The following CCDC82 variants were observed in gnomAD, a reference collection of about 807,000 sequenced individuals.
CCDC82 encodes coiled-coil domain containing 82.
A neutral mutation model predicts 60.6 loss-of-function variants in CCDC82; 47 were observed. The ratio of observed to expected loss-of-function variants is 0.77; its 90% confidence interval spans 0.61 to 0.99. The LOEUF (loss-of-function observed/expected upper bound fraction) is 0.99. Ranked by LOEUF, CCDC82 falls within the 50% of genes least tolerant of loss-of-function variation. The pLI, the probability that CCDC82 is intolerant of heterozygous loss-of-function variation, is 0.00. For synonymous variants in CCDC82, 212 were observed against 207.4 expected, an observed-to-expected ratio of 1.02 and a Z score of -0.19; for missense variants, 588 against 633.0, an observed-to-expected ratio of 0.93 and a Z score of 0.76.
At position 96,371,009 on chromosome 11, in the gene CCDC82, G is replaced by A. The variant is rs924448791; in HGVS notation, c.1209+4C>T. 1.7e-5 allele frequency: 27 copies of A among 1,573,868 alleles called. No individual in the cohort carries two copies. The Admixed American group carries it at 2.8e-4, about 17-fold the overall frequency. ...AAGCAGAGATTCAAAAACAAACTGTGTACCTTATATTGCTCTTTCCAACGA... is the reference window on the plus strand; with the variant it reads ...AAGCAGAGATTCAAAAACAAACTGTATACCTTATATTGCTCTTTCCAACGA... On this transcript the variant is annotated splice_donor_region_variant and intron_variant, in intron 7 of 9. Transcript: ENST00000646818.
chr11:96,359,361 G>A, intron 8 of CCDC82, 183 bp from the exon 9 acceptor site: 3 of 520,358 alleles, frequency 5.8e-6, no homozygotes, highest in Non-Finnish European at 9.9e-6. Flanking sequence ...TTCAAACATT[G>A]GGCTAGGCAC....
intron 5 of CCDC82, among the ~76,000 whole-genome samples, chr11:96,380,043 A>G (rs1865785579): frequency 6.6e-6 from 1 of 151,936 alleles, no homozygotes; most frequent in Admixed American, 6.6e-5. Flanking sequence ...AGCATTCTGA[A>G]AGTGAGAGTG....
rs192648161 is a variant in CCDC82 at position 96,368,608 on chromosome 11, C to T, written c.1209+2405G>A. Among the ~76,000 whole-genome samples, 220 of 152,108 alleles carry T rather than the reference C, an allele frequency of 1.4e-3. 3 individuals carry two copies. The East Asian group carries it at 0.035, about 24-fold the overall frequency. ...TAGGCTGGGTGCAGTGGCTCACGTC[C>T]GTAATCCCAGCACTTTGGGAGGCTG... On this transcript the variant is annotated intron_variant, in intron 7 of 9. Coordinates refer to ENST00000646818, the MANE Select transcript of CCDC82 (RefSeq NM_024725.4).
intron 5 of CCDC82, among the ~76,000 whole-genome samples, chr11:96,374,941 A>G (rs11021562): frequency 0.11 from 16,459 of 152,136 alleles, 1,110 homozygotes; most frequent in Middle Eastern, 0.22. Context: ...CTAAATAAAT[A>G]AGTAAATAAA....
At chr11:96,361,801 T>C (rs965020984) in intron 8 of CCDC82, among the ~76,000 whole-genome samples, 1 of 152,346 alleles carries the variant, frequency 6.6e-6, no homozygotes, top group East Asian at 1.9e-4. Context: ...AAAATATATT[T>C]AGAACAACTG....
At chr11:96,353,911 G>C (rs1864216102) in intron 9 of CCDC82, 197 bp from the exon 10 acceptor site, 1 of 407,846 alleles carries the variant, frequency 2.5e-6, no homozygotes, top group Admixed American at 4.2e-5. Flanking sequence ...CATATAGAAA[G>C]CATTGGAAAG....
intron 9 of CCDC82, chr11:96,358,335 G>A: frequency 8.3e-7 from 1 of 1,208,588 alleles, no homozygotes; most frequent in Non-Finnish European, 1.0e-6. Context: ...TCTGTGAGCA[G>A]ACCAGAGCTT....
chr11:96,361,649 T>C (rs1591168400), intron 8 of CCDC82, among the ~76,000 whole-genome samples: 1 of 152,310 alleles, frequency 6.6e-6, no homozygotes, highest in East Asian at 1.9e-4. Flanking sequence ...TAGTGTATTG[T>C]TACAGCCCAT....
At chr11:96,378,933 T>C (rs1316018197) in intron 5 of CCDC82, among the ~76,000 whole-genome samples, 3 of 151,988 alleles carry the variant, frequency 2.0e-5, no homozygotes, top group East Asian at 1.9e-4. Flanking sequence ...CAGAGCCAAA[T>C]GGCAGATAGG....
chr11:96,373,599 T>C (rs570073894), intron 5 of CCDC82, 132 bp from the exon 6 acceptor site: 3 of 531,120 alleles, frequency 5.6e-6, no homozygotes, highest in Admixed American at 3.9e-5. Context: ...CCTAATTTTA[T>C]AGCTTCCTCG....
chr11:96,355,265 G>T (rs1409758153), intron 9 of CCDC82: 3 of 151,970 alleles, frequency 2.0e-5, no homozygotes. Flanking sequence ...TCACTATCTT[G>T]CTCAGGCTGG....
At chr11:96,373,150 G>C (rs553647578) in intron 6 of CCDC82, among the ~76,000 whole-genome samples, 1 of 152,270 alleles carries the variant, frequency 6.6e-6, no homozygotes, top group African/African-American at 2.4e-5. Context: ...CTAAGGGAAA[G>C]GACCTGTCAC....
chr11:96,374,710 G>A (rs901490864), intron 5 of CCDC82, among the ~76,000 whole-genome samples: 3 of 151,972 alleles, frequency 2.0e-5, no homozygotes, highest in African/African-American at 7.2e-5. Flanking sequence ...TCATCACCCA[G>A]GAATTAGACC....
intron 6 of CCDC82, among the ~76,000 whole-genome samples, chr11:96,372,693 T>A (rs1865343495): frequency 6.9e-6 from 1 of 144,314 alleles, no homozygotes; most frequent in Admixed American, 7.0e-5. Context: ...TAAATAAATA[T>A]ATAAAAATAT....
At chr11:96,382,876 C>A (rs1203365714) in intron 5 of CCDC82, 1 of 158,484 alleles carries the variant, frequency 6.3e-6, no homozygotes, top group Non-Finnish European at 1.4e-5. Flanking sequence ...TAAAGATTTA[C>A]AAGAATGTAA....
At chr11:96,358,551 C>A in intron 9 of CCDC82, 1 of 1,235,098 alleles carries the variant, frequency 8.1e-7, no homozygotes, top group Non-Finnish European at 1.0e-6. Context: ...TGTATTAGAA[C>A]TGGCAGCCGA....
At chr11:96,375,013 A>AGTTT in intron 5 of CCDC82, among the ~76,000 whole-genome samples, 1 of 149,848 alleles carries the variant, frequency 6.7e-6, no homozygotes, top group African/African-American at 2.5e-5. Context: ...ACTTCAATAG[A>AGTTT]ATTTGACTAG....
At chr11:96,361,795 T>C (rs1005862971) in intron 8 of CCDC82, among the ~76,000 whole-genome samples, 25 of 152,128 alleles carry the variant, frequency 1.6e-4, no homozygotes, top group Admixed American at 1.5e-3. Context: ...TCCAGAAAAA[T>C]ATATTTAGAA....
At chr11:96,363,515 C>T (rs1473197235) in intron 8 of CCDC82, 1 of 152,116 alleles carries the variant, frequency 6.6e-6, no homozygotes, top group Non-Finnish European at 1.5e-5. Context: ...TATATAGATG[C>T]CTAGACAGTG....
Sources: gnomAD v4.1 joint callset for allele counts (sites outside exome capture counted in the v4.1 genomes callset) on GRCh38, gnomAD v4.1.1 for gene constraint, MANE v1.5 for transcripts, NCBI Gene and HGNC (gene_info 2026-07-23, HGNC 2026-07-21) for gene names.